DENND1A: variants seen among roughly 807,000 people sequenced by gnomAD.
The protein encoded by DENND1A is DENN domain containing 1A.
In DENND1A, 51 loss-of-function variants were observed where a neutral mutation model predicts 113.7. The ratio of observed to expected loss-of-function variants is 0.45; its 90% CI spans 0.36 to 0.57. The LOEUF (loss-of-function observed/expected upper bound fraction) is 0.57, where lower values mean the gene tolerates loss of function less well. Ranked by LOEUF, DENND1A falls within the 20% of genes least tolerant of loss-of-function variation. The pLI, the probability that DENND1A is intolerant of heterozygous loss-of-function variation, is 0.00. For missense variants in DENND1A, 1,258 were observed against 1,395.9 expected (o/e 0.90, Z 1.57); for synonymous variants, 565 against 570.8 (o/e 0.99, Z 0.14).
chr9:123,459,351 A>G (rs1325855638), intron 13 of DENND1A, among the ~76,000 whole-genome samples: 1 of 152,186 alleles, frequency 6.6e-6, no homozygotes, highest in Non-Finnish European at 1.5e-5. Flanking sequence ...TGGCTGTGGG[A>G]CATACTTTGA....
At chr9:123,707,011 G>C (rs2066261210) in intron 5 of DENND1A, among the ~76,000 whole-genome samples, 1 of 152,148 alleles carries the variant, frequency 6.6e-6, no homozygotes, top group Admixed American at 6.5e-5. Flanking sequence ...CCATGTCTGA[G>C]ATTGCTATTT....
At chr9:123,716,064 G>A (rs530163945) in intron 5 of DENND1A, among the ~76,000 whole-genome samples, 1 of 152,268 alleles carries the variant, frequency 6.6e-6, no homozygotes, top group Admixed American at 6.5e-5. Flanking sequence ...CCTCTTTTAG[G>A]ATACATGTGA....
chr9:123,688,560 GT>G (rs1282376007), intron 5 of DENND1A, among the ~76,000 whole-genome samples: 6 of 152,158 alleles, frequency 3.9e-5, no homozygotes, highest in Non-Finnish European at 4.4e-5. Context: ...GGAAAATGTG[GT>G]AAGTAATGGT....
chr9:123,687,328 A>G (rs777140646), intron 5 of DENND1A, among the ~76,000 whole-genome samples: 5 of 152,218 alleles, frequency 3.3e-5, no homozygotes, highest in Non-Finnish European at 7.3e-5. Context: ...TGGTGGCACT[A>G]CTGGGGATTT....
intron 2 of DENND1A, among the ~76,000 whole-genome samples, chr9:123,811,405 C>T (rs747033165): frequency 1.4e-4 from 22 of 152,148 alleles, no homozygotes; most frequent in Non-Finnish European, 2.6e-4. Flanking sequence ...CAATTTTCTG[C>T]AGCACAAATA....
At chr9:123,388,125 G>C (rs548224855) in intron 21 of DENND1A, among the ~76,000 whole-genome samples, 4 of 152,236 alleles carry the variant, frequency 2.6e-5, no homozygotes, top group Non-Finnish European at 5.9e-5. Context: ...AGTTGGCAAA[G>C]AATCACACTG....
At chr9:123,878,021 C>G (rs1347818988) in intron 2 of DENND1A, among the ~76,000 whole-genome samples, 1 of 151,276 alleles carries the variant, frequency 6.6e-6, no homozygotes, top group Admixed American at 6.6e-5. Context: ...CTGACCAACA[C>G]GGAGAAGCCC....
intron 10 of DENND1A, among the ~76,000 whole-genome samples, chr9:123,622,095 C>A (rs1161254054): frequency 6.6e-6 from 1 of 152,156 alleles, no homozygotes; most frequent in African/African-American, 2.4e-5. Context: ...TTTACAAAGT[C>A]AAATGTAAAA....
In DENND1A at chr9:123,889,864, T is replaced by C. The variant is rs543244971; in HGVS notation, c.18-10843A>G. 7.9e-5 allele frequency among the ~76,000 whole-genome samples: 12 copies of C among 152,130 alleles called. No individual in the cohort carries two copies. In the South Asian group the frequency reaches 1.9e-3, roughly 24 times the overall value. ...GGCACACAGCTGTAACCCCAGCTAC[T>C]TGGGAGGCTGAATCAGGAGAATCGC... On this transcript the variant is annotated intron_variant, in intron 1 of 23. Transcript: ENST00000394215.
chr9:123,638,343 G>A (rs2061829409), intron 9 of DENND1A, among the ~76,000 whole-genome samples: 1 of 152,084 alleles, frequency 6.6e-6, no homozygotes, highest in African/African-American at 2.4e-5. Flanking sequence ...GTTACATGGG[G>A]GACTGATAAC....
chr9:123,899,836 T>C (rs192413606), intron 1 of DENND1A, among the ~76,000 whole-genome samples: 6 of 152,298 alleles, frequency 3.9e-5, no homozygotes, highest in Admixed American at 6.5e-5. Flanking sequence ...AAGTAGGCCA[T>C]TGGGACACTA....
chr9:123,648,352 T>C (rs2062454073), intron 9 of DENND1A, among the ~76,000 whole-genome samples: 1 of 152,216 alleles, frequency 6.6e-6, no homozygotes, highest in African/African-American at 2.4e-5. Flanking sequence ...GTTGGGATTA[T>C]AGGTGTAAGT....
At chr9:123,913,769 G>T (rs1016788399) in intron 1 of DENND1A, among the ~76,000 whole-genome samples, 3 of 151,766 alleles carry the variant, frequency 2.0e-5, no homozygotes, top group Admixed American at 6.6e-5. Flanking sequence ...GCCAGCCATG[G>T]TGGTGCATGC....
chr9:123,877,063 G>A (rs945126534), intron 2 of DENND1A, among the ~76,000 whole-genome samples: 1 of 152,054 alleles, frequency 6.6e-6, no homozygotes, highest in Non-Finnish European at 1.5e-5. Flanking sequence ...AGGGGCTGAG[G>A]GATAAGAAAT....
intron 13 of DENND1A, among the ~76,000 whole-genome samples, chr9:123,478,120 A>G (rs1427086272): frequency 1.3e-5 from 2 of 152,232 alleles, no homozygotes; most frequent in Non-Finnish European, 2.9e-5. Context: ...CCCTTCTGAG[A>G]TAGGCAATGC....
chr9:123,467,758 G>GTGAC (rs1451797594), intron 13 of DENND1A, among the ~76,000 whole-genome samples: 1 of 152,184 alleles, frequency 6.6e-6, no homozygotes. Context: ...GGGGCCCTGT[G>GTGAC]TGACTGCACA....
intron 13 of DENND1A, among the ~76,000 whole-genome samples, chr9:123,520,158 A>C (rs1344232097): frequency 1.9e-4 from 28 of 149,888 alleles, no homozygotes; most frequent in Non-Finnish European, 2.8e-4. Context: ...AAAAAAAAAA[A>C]AAAAAAAAAA....
chr9:123,599,443 T>A (rs1237379468), intron 11 of DENND1A, among the ~76,000 whole-genome samples: 1 of 152,246 alleles, frequency 6.6e-6, no homozygotes, highest in East Asian at 1.9e-4. Flanking sequence ...AGCTATCTTC[T>A]AGAGATGCCT....
chr9:123,457,296 C>T (rs2048196139), intron 15 of DENND1A, 52 bp downstream of exon 15: 2 of 1,383,378 alleles, frequency 1.4e-6, no homozygotes, highest in African/African-American at 1.4e-5. Flanking sequence ...GTCAAATATG[C>T]CCTAAATGAT....
Sources: gnomAD v4.1 joint callset for allele counts (sites outside exome capture counted in the v4.1 genomes callset) on GRCh38, gnomAD v4.1.1 for gene constraint, MANE v1.5 for transcripts, NCBI Gene and HGNC (gene_info 2026-07-23, HGNC 2026-07-21) for gene names.